Variants in CEP350 observed in about 807,000 individuals in gnomAD.
CEP350 encodes centrosome-associated protein 350.
Under a neutral mutation model 331.8 loss-of-function variants are expected in CEP350, and 126 were observed. The ratio of observed to expected loss-of-function variants is 0.38; its 90% CI spans 0.33 to 0.44. CEP350 has a LOEUF of 0.44. CEP350 is among the 20% of genes least tolerant of loss of function. The pLI, the probability that CEP350 is intolerant of heterozygous loss-of-function variation, is 1.00. For synonymous variants in CEP350, 1,200 were observed against 1,259.5 expected (o/e 0.95, Z 1.00); for missense variants, 3,406 against 3,634.6 (o/e 0.94, Z 1.62).
chr1:179,973,347 A>G (rs968178314), intron 1 of CEP350, among the ~76,000 whole-genome samples: 1 of 152,198 alleles, frequency 6.6e-6, no homozygotes, highest in African/African-American at 2.4e-5. Context: ...TTTGCTTTGC[A>G]TGGGTAGCTG....
At chr1:179,975,439 AT>A (rs1211461044) in intron 1 of CEP350, among the ~76,000 whole-genome samples, 1 of 152,178 alleles carries the variant, frequency 6.6e-6, no homozygotes, top group African/African-American at 2.4e-5. Context: ...TAGGAGCAGG[AT>A]AATTTAGGAA....
At chr1:179,979,781 C>T (rs1246283811) in intron 1 of CEP350, among the ~76,000 whole-genome samples, 2 of 151,934 alleles carry the variant, frequency 1.3e-5, no homozygotes, top group Non-Finnish European at 2.9e-5. Context: ...TTCAGTTTTC[C>T]CAGCACTATT....
Position 180,041,648 on chromosome 1 carries a change from C to T in CEP350, c.4222-14C>T. 6.9e-6 allele frequency: 11 copies of T among 1,598,818 alleles called. No homozygotes were observed. The highest frequency in any genetic ancestry group is 9.4e-6 in the Non-Finnish European group (11 of 1,173,466). On this transcript the variant is annotated splice_polypyrimidine_tract_variant and intron_variant, in intron 18 of 37. Coordinates refer to ENST00000367607, the MANE Select transcript of CEP350 (RefSeq NM_014810.5). The stretch of plus-strand genomic sequence containing the variant: ...TAAAACATAACTTCTTTTTTAAACC[C>T]CTTTTATTTAAAGGTCCATGCAGAA...
At chr1:180,084,270 A>G in intron 31 of CEP350, 92 bp downstream of exon 31, 1 of 1,199,548 alleles carries the variant, frequency 8.3e-7, no homozygotes, top group Non-Finnish European at 1.1e-6. Flanking sequence ...GTAATGGATT[A>G]GGATTCTTCA....
chr1:179,967,212 A>C (rs1457705846), intron 1 of CEP350, among the ~76,000 whole-genome samples: 1 of 152,138 alleles, frequency 6.6e-6, no homozygotes, highest in Non-Finnish European at 1.5e-5. Flanking sequence ...AAATAGAAGG[A>C]TATTTTTCCA....
chr1:180,031,576 A>T (rs2148880051), intron 15 of CEP350, 82 bp downstream of exon 15: 2 of 630,050 alleles, frequency 3.2e-6, no homozygotes, highest in Non-Finnish European at 4.7e-6. Flanking sequence ...ATGAATTTTA[A>T]CTCAGCAGTC....
At chr1:179,988,334 G>GT (rs1558081123) in intron 3 of CEP350, among the ~76,000 whole-genome samples, 2 of 151,406 alleles carry the variant, frequency 1.3e-5, no homozygotes, top group South Asian at 2.1e-4. Context: ...GAGGATGAAG[G>GT]TAGGGCTTTG....
At chr1:180,069,743 TA>T (rs1168260603) in intron 27 of CEP350, among the ~76,000 whole-genome samples, 1 of 152,190 alleles carries the variant, frequency 6.6e-6, no homozygotes, top group African/African-American at 2.4e-5. Context: ...GTTTTTATAT[TA>T]TTAAAGATGC....
At chr1:180,027,055 T>C (rs879312105) in intron 14 of CEP350, among the ~76,000 whole-genome samples, 2 of 152,216 alleles carry the variant, frequency 1.3e-5, no homozygotes, top group Non-Finnish European at 2.9e-5. Context: ...AGCTGTACCA[T>C]TTTACTTTCC....
At chr1:180,029,405 A>G (rs1394048654) in intron 14 of CEP350, among the ~76,000 whole-genome samples, 1 of 152,240 alleles carries the variant, frequency 6.6e-6, no homozygotes, top group Non-Finnish European at 1.5e-5. Flanking sequence ...TAGAAAAATT[A>G]GCAATAATCA....
intron 5 of CEP350, among the ~76,000 whole-genome samples, chr1:179,994,456 C>CTT (rs532002663): frequency 0.019 from 2,639 of 135,982 alleles, 65 homozygotes; most frequent in African/African-American, 0.05. Context: ...TTCTTTCTTT[C>CTT]TTTTTTTTTT....
chr1:180,036,930 T>C lies in CEP350; in HGVS notation c.3951T>C (p.Ser1317=), dbSNP rs1459033882. ...TTENMAPIPG[S]KRFSPAGLHH... ...GACCATTGTCATGCCTTCCAGGTTC[T>C]AAGCGCTTTTCTCCTGCTGGCCTCC... The change falls in exon 17 of 38, where the codon TCT becomes TCC. Residue 1317 remains serine, a synonymous_variant. Coordinates refer to ENST00000367607, the MANE Select transcript of CEP350 (RefSeq NM_014810.5). 6.4e-7 allele frequency: 1 copy of C among 1,565,734 alleles called. No homozygotes were observed. The highest frequency in any genetic ancestry group is 8.6e-7 in the Non-Finnish European group (1 of 1,158,516).
chr1:180,035,924 A>T (rs1198011520), intron 16 of CEP350, among the ~76,000 whole-genome samples: 1 of 152,180 alleles, frequency 6.6e-6, no homozygotes, highest in Non-Finnish European at 1.5e-5. Flanking sequence ...TCCTCTGCTG[A>T]TTTGGGCAAA....
intron 3 of CEP350, 70 bp downstream of exon 3, chr1:179,987,356 T>G: frequency 1.2e-6 from 1 of 811,318 alleles, no homozygotes; most frequent in Non-Finnish European, 2.0e-6. Flanking sequence ...TTGAATAGAT[T>G]AAAATGTTTT....
intron 13 of CEP350, 88 bp from the exon 14 acceptor site, chr1:180,024,331 A>T: frequency 8.4e-7 from 1 of 1,196,552 alleles, no homozygotes; most frequent in Non-Finnish European, 1.2e-6. Context: ...ATAGTCTCCT[A>T]GTGATTACAT....
chr1:179,998,344 T>C, intron 6 of CEP350, among the ~76,000 whole-genome samples: 1 of 149,342 alleles, frequency 6.7e-6, no homozygotes, highest in Admixed American at 6.6e-5. Flanking sequence ...AGTCTCACTC[T>C]GTCGCCCAGG....
At chr1:179,999,611 C>T (rs530283230) in intron 6 of CEP350, among the ~76,000 whole-genome samples, 40 of 152,128 alleles carry the variant, frequency 2.6e-4, no homozygotes, top group Non-Finnish European at 5.1e-4. Context: ...TCATTTTGTT[C>T]GCAGTCCAAA....
At chr1:180,022,551 G>T in intron 12 of CEP350, 147 bp from the exon 13 acceptor site, 1 of 611,042 alleles carries the variant, frequency 1.6e-6, no homozygotes, top group Non-Finnish European at 2.8e-6. Context: ...AAGTATCATT[G>T]GATATAAAGG....
chr1:180,013,988 A>G lies in CEP350; in HGVS notation c.1535A>G (p.Lys512Arg). ...KKLASSLPDN[K>R]QEENTALNKD... ...CTAGCTTCATCTCTTCCAGATAATA[A>G]GCAGGAGGAAAATACTGCCTTAAAT... Residue 512 changes from lysine (K) to arginine (R), a missense_variant, in exon 10 of 38, where the codon AAG becomes AGG. Lys to Arg is a conservative substitution (Grantham distance 26). This residue lies in a region of CEP350 where 1,857 missense variants were observed against 1,909.2 expected (regional missense o/e 0.97). Coordinates refer to ENST00000367607, the MANE Select transcript of CEP350 (RefSeq NM_014810.5). The G allele has an allele frequency of 2.5e-6, 4 of 1,613,868 alleles. No individual in the cohort carries two copies. Among genetic ancestry groups the G allele is most frequent in the Non-Finnish European group, 3.4e-6 (4 of 1,179,806 alleles).
Sources: gnomAD v4.1 joint callset for allele counts (sites outside exome capture counted in the v4.1 genomes callset) on GRCh38, gnomAD v4.1.1 for gene constraint, gnomAD v4.1.1 regional missense constraint, MANE v1.5 for transcripts, NCBI Gene and HGNC (gene_info 2026-07-23, HGNC 2026-07-21) for gene names.